The following ASCC3 variants were observed in gnomAD, a reference collection of about 807,000 sequenced individuals.
ASCC3 encodes the protein activating signal cointegrator 1 complex subunit 3, also known as ASC-1 complex subunit P200.
ASCC3 carries 158 observed loss-of-function variants against 256.3 expected under a neutral mutation model. The observed-to-expected ratio is 0.62, with a 90% confidence interval of 0.54 to 0.70. The LOEUF (loss-of-function observed/expected upper bound fraction) is 0.70, where lower values mean the gene tolerates loss of function less well. Ranked by LOEUF, ASCC3 falls within the 30% of genes least tolerant of loss-of-function variation. The probability of loss-of-function intolerance (pLI) is 0.00; values close to 1 mark genes in which losing one functional copy is unlikely to be tolerated. For synonymous variants in ASCC3, 948 were observed against 883.4 expected (o/e 1.07, Z -1.30); for missense variants, 2,259 against 2,626.0 (o/e 0.86, Z 3.05).
rs752235746 is a variant in ASCC3 at position 100,644,049 on chromosome 6, A to G, written c.3714T>C (p.Phe1238=). 1.2e-6 allele frequency: 2 copies of G among 1,611,772 alleles called. No homozygotes were observed. Among genetic ancestry groups the G allele is most frequent in the East Asian group, 2.2e-5 (1 of 44,704 alleles). ...TNDHIYHSEY[F]LALKKQVISK... The stretch of plus-strand genomic sequence containing the variant: ...CACTTACTTGTTTTTTTAGAGCTAG[A>G]AAATACTCTGAATGATAAATATGAT... Residue 1238 remains phenylalanine (F), a synonymous_variant, in exon 23 of 42, where the codon TTT becomes TTC. Transcript: ENST00000369162.
intron 30 of ASCC3, among the ~76,000 whole-genome samples, chr6:100,607,816 T>G (rs1442092622): frequency 6.6e-6 from 1 of 151,398 alleles, no homozygotes; most frequent in African/African-American, 2.4e-5. Flanking sequence ...GAATATTATT[T>G]AAAAAATCAA....
chr6:100,705,155 G>A (rs1778520061), intron 13 of ASCC3, among the ~76,000 whole-genome samples: 1 of 152,054 alleles, frequency 6.6e-6, no homozygotes, highest in African/African-American at 2.4e-5. Context: ...TTGAAGTCTT[G>A]CAGAGTAGGA....
chr6:100,837,531 A>G (rs924694232), intron 4 of ASCC3, among the ~76,000 whole-genome samples: 10 of 152,264 alleles, frequency 6.6e-5, no homozygotes, highest in Admixed American at 5.9e-4. Flanking sequence ...TATATACACA[A>G]TGGAATACTA....
chr6:100,770,189 A>T (rs1240260341), intron 8 of ASCC3, among the ~76,000 whole-genome samples: 2 of 152,080 alleles, frequency 1.3e-5, no homozygotes, highest in Non-Finnish European at 2.9e-5. Context: ...TATAAATGAC[A>T]TAATACATCA....
intron 13 of ASCC3, chr6:100,715,250 C>T (rs540522483): frequency 1.1e-4 from 50 of 454,728 alleles, no homozygotes; most frequent in African/African-American, 5.6e-4. Flanking sequence ...CAAAATAGCA[C>T]GACCTATCAA....
At chr6:100,761,361 G>A (rs1781413970) in intron 10 of ASCC3, among the ~76,000 whole-genome samples, 1 of 152,136 alleles carries the variant, frequency 6.6e-6, no homozygotes, top group Admixed American at 6.6e-5. Context: ...GGTGGCATGC[G>A]CCTGTAATCT....
At chr6:100,864,922 T>C (rs1327332379) in intron 2 of ASCC3, among the ~76,000 whole-genome samples, 1 of 152,208 alleles carries the variant, frequency 6.6e-6, no homozygotes, top group Non-Finnish European at 1.5e-5. Context: ...AATAAAAATT[T>C]TATTTCAGAC....
At chr6:100,520,764 A>G (rs1212314542) in intron 37 of ASCC3, among the ~76,000 whole-genome samples, 1 of 152,172 alleles carries the variant, frequency 6.6e-6, no homozygotes. Flanking sequence ...CATAGCCTAG[A>G]TGTGTAGTGG....
intron 1 of ASCC3, among the ~76,000 whole-genome samples, chr6:100,873,741 A>C (rs1229560727): frequency 1.3e-5 from 2 of 152,206 alleles, no homozygotes; most frequent in African/African-American, 2.4e-5. Flanking sequence ...CTTAAACAAA[A>C]CAATTATCAG....
At chr6:100,716,306 T>A (rs1001906046) in intron 12 of ASCC3, among the ~76,000 whole-genome samples, 1 of 151,690 alleles carries the variant, frequency 6.6e-6, no homozygotes, top group Non-Finnish European at 1.5e-5. Flanking sequence ...TTTAAAAAAA[T>A]TTAAAAGGGT....
chr6:100,719,528 CCAGA>C (rs1229337015), intron 11 of ASCC3, among the ~76,000 whole-genome samples: 1 of 151,884 alleles, frequency 6.6e-6, no homozygotes, highest in African/African-American at 2.4e-5. Flanking sequence ...CTGGCAAACA[CCAGA>C]CATTTTTCTG....
chr6:100,725,595 G>A lies in ASCC3; in HGVS notation c.1846C>T (p.Leu616=). 6.2e-7 allele frequency: 1 copy of A among 1,612,828 alleles called. No homozygotes were observed. ...RLLILDEVHL[L]HEDRGPVLES... is the part of the protein sequence containing the mutation. ...AATACTGGTCCTCTATCTTCATGCA[G>A]CAAATGAACTTCATCAAGAATAAGG... The change falls in exon 11 of 42, where the codon CTG becomes TTG. Residue 616 remains leucine, a synonymous_variant. Coordinates refer to ENST00000369162, the MANE Select transcript of ASCC3 (RefSeq NM_006828.4).
intron 10 of ASCC3, among the ~76,000 whole-genome samples, chr6:100,752,533 C>T (rs10485293): frequency 6.6e-6 from 1 of 152,042 alleles, no homozygotes; most frequent in Non-Finnish European, 1.5e-5. Flanking sequence ...ATGTTTAAAA[C>T]CAAACTCACT....
At chr6:100,727,403 A>G (rs1779684188) in intron 10 of ASCC3, among the ~76,000 whole-genome samples, 1 of 152,074 alleles carries the variant, frequency 6.6e-6, no homozygotes, top group South Asian at 2.1e-4. Context: ...GAGAGAGATC[A>G]TAAAATCTCT....
intron 13 of ASCC3, among the ~76,000 whole-genome samples, chr6:100,711,260 T>A (rs1778840417): frequency 6.6e-6 from 1 of 152,210 alleles, no homozygotes; most frequent in Non-Finnish European, 1.5e-5. Flanking sequence ...TAAGATTTTT[T>A]CATAATGCAT....
intron 10 of ASCC3, among the ~76,000 whole-genome samples, chr6:100,734,116 G>C (rs943340554): frequency 4.6e-5 from 7 of 152,072 alleles, no homozygotes; most frequent in African/African-American, 1.4e-4. Context: ...AGTGGTAAGT[G>C]GGGGCAAGGA....
intron 4 of ASCC3, among the ~76,000 whole-genome samples, chr6:100,846,510 GACTAT>G (rs1772391030): frequency 6.6e-6 from 1 of 152,120 alleles, no homozygotes. Context: ...CATTGAACCA[GACTAT>G]GCAGACTTCA....
rs779489994 is a variant in ASCC3, at chr6:100,625,302, A to T, written c.4675T>A (p.Leu1559Met). 6.2e-7 allele frequency: 1 copy of T among 1,612,916 alleles called. No individual in the cohort carries two copies. The highest frequency in any genetic ancestry group is 8.5e-7 in the Non-Finnish European group (1 of 1,179,174). ...IRSHSPAKPVLIFVSSRRQTR... is the reference protein window; with the variant it reads ...IRSHSPAKPVMIFVSSRRQTR... The stretch of plus-strand genomic sequence containing the variant: ...TGACGTCTTGATGAGACAAATATCA[A>T]AACAGGTTTGGCTGGAGAATGGCTT... The change falls in exon 30 of 42, where the codon TTG (leucine) becomes ATG (methionine). Residue 1559 changes from leucine (L) to methionine (M), a missense_variant. Leu to Met is a conservative substitution (Grantham distance 15). Transcript: ENST00000369162.
At position 100,626,663 on chromosome 6, in the gene ASCC3, C is replaced by A. The variant is rs534116689; in HGVS notation, c.4642+927G>T. ...ATAAACTCATTTATCTTATTTCTCA[C>A]CCTTTTATTGTTTATCAGAATGTTA... On this transcript the variant is annotated intron_variant, in intron 29 of 41. Coordinates refer to ENST00000369162, the MANE Select transcript of ASCC3 (RefSeq NM_006828.4). Among the ~76,000 whole-genome samples the A allele has an allele frequency of 3.6e-3, 554 of 152,090 alleles. 3 individuals are homozygous for A. The highest frequency in any genetic ancestry group is 0.013 in the African/African-American group (533 of 41,528).
Sources: gnomAD v4.1 joint callset for allele counts (sites outside exome capture counted in the v4.1 genomes callset) on GRCh38, gnomAD v4.1.1 for gene constraint, MANE v1.5 for transcripts, NCBI Gene and HGNC (gene_info 2026-07-23, HGNC 2026-07-21) for gene names.